Variants in SLC24A3 observed in about 807,000 individuals in gnomAD.
The protein encoded by SLC24A3 is sodium/potassium/calcium exchanger 3.
A neutral mutation model predicts 75.8 loss-of-function variants in SLC24A3; 28 were observed. That is an observed-to-expected ratio of 0.37 (90% CI 0.27 to 0.51). The LOEUF (loss-of-function observed/expected upper bound fraction) is 0.51. SLC24A3 is among the 20% of genes least tolerant of loss of function. The pLI is 0.94. For missense variants in SLC24A3, 663 were observed against 847.8 expected, an observed-to-expected ratio of 0.78 and a Z score of 2.71; for synonymous variants, 372 against 334.1, an observed-to-expected ratio of 1.11 and a Z score of -1.24.
At chr20:19,659,608 G>A (rs2032303923) in intron 7 of SLC24A3, among the ~76,000 whole-genome samples, 2 of 152,208 alleles carry the variant, frequency 1.3e-5, no homozygotes, top group Non-Finnish European at 2.9e-5. Context: ...GACTATGCAA[G>A]CAAGCTATTT....
rs1020003397 is a variant in SLC24A3, at chr20:19,485,802, A to T, written c.272-29686A>T. ...CCAAGGATCTTACTCACATTGCTAG[A>T]ATCTCAACAGAAACAAAGTGCCCCC... On this transcript the variant is annotated intron_variant, in intron 2 of 16. Transcript: ENST00000328041. Among the ~76,000 whole-genome samples, 7 of 152,288 alleles carry T rather than the reference A, an allele frequency of 4.6e-5. 1 individual carries two copies. The highest frequency in any genetic ancestry group is 1.3e-4 in the Admixed American group (2 of 15,302).
chr20:19,501,783 C>CT (rs1334122660), intron 2 of SLC24A3, among the ~76,000 whole-genome samples: 1 of 152,094 alleles, frequency 6.6e-6, no homozygotes, highest in African/African-American at 2.4e-5. Context: ...CTCTTTCTGT[C>CT]TGATTTTTGG....
chr20:19,449,848 C>T (rs1987451290), intron 2 of SLC24A3, among the ~76,000 whole-genome samples: 1 of 152,164 alleles, frequency 6.6e-6, no homozygotes, highest in African/African-American at 2.4e-5. Context: ...GTGTTCATTC[C>T]AGATACGCTT....
At chr20:19,545,799 G>A (rs534477686) in intron 3 of SLC24A3, among the ~76,000 whole-genome samples, 1 of 152,278 alleles carries the variant, frequency 6.6e-6, no homozygotes, top group Non-Finnish European at 1.5e-5. Context: ...GATGTAAATG[G>A]ATTGATTCGA....
chr20:19,292,147 A>C (rs6075493), intron 2 of SLC24A3, among the ~76,000 whole-genome samples: 45,437 of 151,988 alleles, frequency 0.3, 7,576 homozygotes, highest in Middle Eastern at 0.54. Context: ...CTTCCCTGAG[A>C]AGTGGGGATC....
In SLC24A3 at chr20:19,313,544, C is replaced by A. The variant is rs1984512258; in HGVS notation, c.271+32457C>A. On this transcript the variant is annotated intron_variant, in intron 2 of 16. Transcript: ENST00000328041. ...AGGGAACCTGAGCTAGGCTGGAACC[C>A]AGCCTGTTCTGGGTCAGTGGCCCAT... 2.0e-5 allele frequency among the ~76,000 whole-genome samples: 3 copies of A among 152,354 alleles called. No individual in the cohort carries two copies. The South Asian group carries it at 6.2e-4, about 32-fold the overall frequency.
chr20:19,523,988 A>T (rs1360103508), intron 3 of SLC24A3, among the ~76,000 whole-genome samples: 1 of 152,184 alleles, frequency 6.6e-6, no homozygotes, highest in East Asian at 1.9e-4. Flanking sequence ...CATCCCCCAG[A>T]AGAAGGCCTT....
At chr20:19,215,068 C>A (rs1451267143) in intron 1 of SLC24A3, among the ~76,000 whole-genome samples, 1 of 152,150 alleles carries the variant, frequency 6.6e-6, no homozygotes, top group African/African-American at 2.4e-5. Context: ...GTATGTGATG[C>A]ACAGTAGTAT....
intron 6 of SLC24A3, among the ~76,000 whole-genome samples, chr20:19,645,415 G>T (rs1402180856): frequency 1.3e-5 from 2 of 152,124 alleles, no homozygotes; most frequent in African/African-American, 2.4e-5. Flanking sequence ...ATTCCTGCAA[G>T]GCTCAGCTAT....
At chr20:19,333,599 T>G (rs1052358101) in intron 2 of SLC24A3, among the ~76,000 whole-genome samples, 2 of 152,162 alleles carry the variant, frequency 1.3e-5, no homozygotes, top group African/African-American at 4.8e-5. Context: ...AAACAATATG[T>G]TACTGGTGAG....
intron 3 of SLC24A3, among the ~76,000 whole-genome samples, chr20:19,577,065 A>T (rs6046186): frequency 0.88 from 132,186 of 150,218 alleles, 58,264 homozygotes; most frequent in Middle Eastern, 0.95. Context: ...TTTTCTTTTT[A>T]TTTTTTTGAG....
chr20:19,307,600 T>TG (rs1258506158), intron 2 of SLC24A3, among the ~76,000 whole-genome samples: 2 of 151,568 alleles, frequency 1.3e-5, no homozygotes. Context: ...CGGGGCCTGT[T>TG]GGGGGGTGGG....
chr20:19,444,742 T>A (rs1987351817), intron 2 of SLC24A3, among the ~76,000 whole-genome samples: 1 of 152,200 alleles, frequency 6.6e-6, no homozygotes, highest in Non-Finnish European at 1.5e-5. Flanking sequence ...ATCAATTTTA[T>A]TGTCCTTTTA....
intron 6 of SLC24A3, among the ~76,000 whole-genome samples, chr20:19,604,110 A>C (rs2031565092): frequency 6.6e-6 from 1 of 152,208 alleles, no homozygotes. Context: ...GGAAAGGCCC[A>C]TGCTCTCAAG....
chr20:19,358,272 G>A (rs77032670), intron 2 of SLC24A3, among the ~76,000 whole-genome samples: 1,657 of 152,276 alleles, frequency 0.011, 26 homozygotes, highest in African/African-American at 0.036. Context: ...GGACAGCTGC[G>A]GAGGGCAGGC....
chr20:19,641,460 G>A (rs1168317908), intron 6 of SLC24A3, among the ~76,000 whole-genome samples: 2 of 152,144 alleles, frequency 1.3e-5, no homozygotes, highest in East Asian at 1.9e-4. Flanking sequence ...AAGCAGAGAT[G>A]GATAGCAGCG....
At chr20:19,359,021 T>C (rs1454554820) in intron 2 of SLC24A3, among the ~76,000 whole-genome samples, 2 of 152,218 alleles carry the variant, frequency 1.3e-5, no homozygotes, top group African/African-American at 4.8e-5. Flanking sequence ...CATTCATTCA[T>C]TGGTGGACAT....
At chr20:19,603,880 A>T (rs1160966063) in intron 6 of SLC24A3, among the ~76,000 whole-genome samples, 2 of 152,174 alleles carry the variant, frequency 1.3e-5, no homozygotes, top group African/African-American at 2.4e-5. Context: ...GAGCAATGGT[A>T]GCCTCTGTTA....
chr20:19,560,166 C>T (rs373772650), intron 3 of SLC24A3, among the ~76,000 whole-genome samples: 29 of 151,918 alleles, frequency 1.9e-4, no homozygotes, highest in Middle Eastern at 3.4e-3. Context: ...AGAAATGAGA[C>T]GGAAAAAGAG....
Sources: allele counts gnomAD v4.1 joint callset (sites outside exome capture counted in the v4.1 genomes callset), GRCh38; gene constraint gnomAD v4.1.1; transcripts MANE v1.5; gene names NCBI Gene and HGNC (gene_info 2026-07-23, HGNC 2026-07-21).